Variants in USP4 observed in about 807,000 individuals in gnomAD.
The protein encoded by USP4 is ubiquitin carboxyl-terminal hydrolase 4.
A neutral mutation model predicts 118.2 loss-of-function variants in USP4; 72 were observed. The ratio of observed to expected loss-of-function variants is 0.61; its 90% confidence interval spans 0.50 to 0.74. The LOEUF (loss-of-function observed/expected upper bound fraction) is 0.74. Ranked by LOEUF, USP4 falls within the 30% of genes least tolerant of loss-of-function variation. The probability of loss-of-function intolerance (pLI) is 0.00; values close to 1 mark genes in which losing one functional copy is unlikely to be tolerated. For missense variants in USP4, 1,037 were observed against 1,185.7 expected (o/e 0.87, Z 1.84); for synonymous variants, 415 against 440.4 (o/e 0.94, Z 0.72).
chr3:49,297,074 T>C (rs2107776720), intron 13 of USP4, among the ~76,000 whole-genome samples: 1 of 152,346 alleles, frequency 6.6e-6, no homozygotes, highest in South Asian at 2.1e-4. Context: ...CTTTACATAC[T>C]GAATTCCTCA....
At chr3:49,279,930 G>A (rs2047000117) in intron 20 of USP4, among the ~76,000 whole-genome samples, 1 of 152,152 alleles carries the variant, frequency 6.6e-6, no homozygotes, top group Non-Finnish European at 1.5e-5. Flanking sequence ...TGAGAAACTT[G>A]CCCAAATGGT....
intron 15 of USP4, among the ~76,000 whole-genome samples, chr3:49,290,361 C>A (rs912350911): frequency 2.0e-5 from 3 of 152,206 alleles, no homozygotes; most frequent in African/African-American, 7.2e-5. Flanking sequence ...CTGCAGTAAG[C>A]CAAGATTGTG....
At chr3:49,301,224 G>C (rs1050338962) in intron 10 of USP4, among the ~76,000 whole-genome samples, 2 of 152,058 alleles carry the variant, frequency 1.3e-5, no homozygotes, top group Non-Finnish European at 1.5e-5. Context: ...GCAGGGGAAA[G>C]CCACTGCGCC....
At chr3:49,308,416 A>T (rs1156633470) in intron 8 of USP4, among the ~76,000 whole-genome samples, 1 of 151,836 alleles carries the variant, frequency 6.6e-6, no homozygotes, top group Non-Finnish European at 1.5e-5. Context: ...GCCTCCCGGG[A>T]TCAAGAGATT....
chr3:49,311,477 AC>A (rs2107788179), intron 7 of USP4, 36 bp downstream of exon 7: 1 of 1,606,988 alleles, frequency 6.2e-7, no homozygotes, highest in East Asian at 2.2e-5. Flanking sequence ...GGAAAGGACC[AC>A]GGGAAAGGAA....
At position 49,302,419 on chromosome 3, in the gene USP4, A is replaced by G. The variant is rs1171832259; in HGVS notation, c.1252T>C (p.Leu418=). Residue 418 remains leucine, a synonymous_variant, in exon 10 of 22, where the codon TTG becomes CTG. Coordinates refer to ENST00000265560, the MANE Select transcript of USP4 (RefSeq NM_003363.4). ...CGCCCATTGGCATCCTTCAGCTCCA[A>G]GTAGGGCTTTTTCTTTACCCGGTTC... ...DLNRVKKKPY[L]ELKDANGRPD... The G allele has an allele frequency of 1.2e-6, 2 of 1,614,086 alleles. No homozygotes were observed. Among genetic ancestry groups the G allele is most frequent in the Admixed American group, 3.3e-5 (2 of 59,992 alleles).
In USP4 at chr3:49,324,782, C is replaced by A. The variant is rs771151826; in HGVS notation, c.634-19G>T. 1 of 1,614,006 alleles carries A rather than the reference C, an allele frequency of 6.2e-7. No individual in the cohort carries two copies. The highest frequency in any genetic ancestry group is 8.5e-7 in the Non-Finnish European group (1 of 1,179,924). The stretch of plus-strand genomic sequence containing the variant: ...CTAGCACCTGAGTGAAAGGGGAAAC[C>A]AAATGAGGAGAGTTCAAACCACCGC... On this transcript the variant is annotated intron_variant, in intron 5 of 21. Coordinates refer to ENST00000265560, the MANE Select transcript of USP4 (RefSeq NM_003363.4).
At chr3:49,304,980 T>C (rs2047297851) in intron 9 of USP4, among the ~76,000 whole-genome samples, 1 of 151,850 alleles carries the variant, frequency 6.6e-6, no homozygotes. Context: ...GTCAGGCTGA[T>C]CTCGAACTCC....
At position 49,278,865 on chromosome 3, in the gene USP4, C is replaced by A; in HGVS notation, c.2682G>T (p.Trp894Cys). Residue 894 changes from tryptophan to cysteine, a missense_variant, in exon 21 of 22, where the codon TGG (tryptophan) becomes TGT (cysteine). Coordinates refer to ENST00000265560, the MANE Select transcript of USP4 (RefSeq NM_003363.4). ...AYAKNKLNGKWYYFDDSNVSL... is the reference protein window; with the variant it reads ...AYAKNKLNGKCYYFDDSNVSL... ...ACACGTTGCTATCATCAAAGTAATA[C>A]CATTTACCATTCAGTTTGTTCTTCG... The A allele has an allele frequency of 6.2e-7, 1 of 1,612,942 alleles. No homozygotes were observed. Among genetic ancestry groups the A allele is most frequent in the Non-Finnish European group, 8.5e-7 (1 of 1,179,548 alleles).
intron 16 of USP4, 39 bp downstream of exon 16, chr3:49,286,059 C>A: frequency 6.3e-7 from 1 of 1,593,024 alleles, no homozygotes; most frequent in Non-Finnish European, 8.6e-7. Context: ...GATCCTAAGA[C>A]CCTAAAGCCC....
intron 14 of USP4, 128 bp downstream of exon 14, chr3:49,294,279 C>A: frequency 9.3e-7 from 1 of 1,071,952 alleles, no homozygotes; most frequent in South Asian, 1.6e-5. Flanking sequence ...GCCACTGCAC[C>A]CGGCAAATGC....
chr3:49,299,664 T>C (rs1005488904), intron 11 of USP4, among the ~76,000 whole-genome samples: 29 of 151,988 alleles, frequency 1.9e-4, no homozygotes, highest in African/African-American at 6.8e-4. Flanking sequence ...AGTGCTGGGA[T>C]TACAGGCGTG....
At chr3:49,300,419 G>A in intron 11 of USP4, 48 bp downstream of exon 11, 1 of 1,564,822 alleles carries the variant, frequency 6.4e-7, no homozygotes, top group Non-Finnish European at 8.8e-7. Context: ...ACTGGGATCT[G>A]GAGACCACTT....
chr3:49,326,231 C>T (rs1043963270), intron 3 of USP4, among the ~76,000 whole-genome samples: 5 of 151,978 alleles, frequency 3.3e-5, no homozygotes, highest in Admixed American at 2.0e-4. Flanking sequence ...ACAGGGGAAT[C>T]GCTTGAACCC....
intron 13 of USP4, among the ~76,000 whole-genome samples, chr3:49,296,894 T>C (rs2047215266): frequency 6.6e-6 from 1 of 152,222 alleles, no homozygotes; most frequent in Non-Finnish European, 1.5e-5. Context: ...GGCTTGGGGT[T>C]ATATGTGAAA....
chr3:49,280,567 A>G (rs1354600155), intron 20 of USP4, among the ~76,000 whole-genome samples, 177 bp downstream of exon 20: 3 of 151,984 alleles, frequency 2.0e-5, no homozygotes, highest in Non-Finnish European at 4.4e-5. Flanking sequence ...CTCAAAAAAA[A>G]AAAAAAAAAA....
At chr3:49,336,774 G>A (rs1277669391) in intron 1 of USP4, among the ~76,000 whole-genome samples, 6 of 151,700 alleles carry the variant, frequency 4.0e-5, no homozygotes, top group Admixed American at 2.0e-4. Context: ...TGCCCACCTC[G>A]GCCTCCCAAA....
chr3:49,283,721 A>T (rs903317046), intron 19 of USP4, among the ~76,000 whole-genome samples: 1 of 152,166 alleles, frequency 6.6e-6, no homozygotes, highest in African/African-American at 2.4e-5. Flanking sequence ...TAGGTGGCCT[A>T]AGTGACTCGA....
intron 20 of USP4, chr3:49,279,292 C>CA (rs1313881878): frequency 1.3e-5 from 2 of 154,668 alleles, no homozygotes; most frequent in Non-Finnish European, 2.9e-5. Context: ...CATGCCAAGT[C>CA]AGTCTCCCCC....
Sources: allele counts gnomAD v4.1 joint callset (sites outside exome capture counted in the v4.1 genomes callset), GRCh38; gene constraint gnomAD v4.1.1; transcripts MANE v1.5; gene names NCBI Gene and HGNC (gene_info 2026-07-23, HGNC 2026-07-21).